Variants in NCKAP5 observed in about 807,000 individuals in gnomAD.
NCKAP5 encodes the protein NCK associated protein 5, also known as nck-associated protein 5.
A neutral mutation model predicts 167.0 loss-of-function variants in NCKAP5; 92 were observed. The observed-to-expected ratio is 0.55, with a 90% CI of 0.47 to 0.66. NCKAP5 has a LOEUF of 0.66. Ranked by LOEUF, NCKAP5 falls within the 30% of genes least tolerant of loss-of-function variation. The pLI is 0.00. For missense variants in NCKAP5, 2,378 were observed against 2,315.0 expected (o/e 1.03, Z -0.56); for synonymous variants, 891 against 877.4 (o/e 1.02, Z -0.27).
At chr2:133,122,043 G>C (rs2082267176) in intron 6 of NCKAP5, 1 of 152,172 alleles carries the variant, frequency 6.6e-6, no homozygotes, top group African/African-American at 2.4e-5. Flanking sequence ...ACTATAAGGA[G>C]AGAAATAAGA....
At chr2:133,491,740 T>C (rs1035276586) in intron 3 of NCKAP5, among the ~76,000 whole-genome samples, 5 of 152,026 alleles carry the variant, frequency 3.3e-5, no homozygotes, top group Non-Finnish European at 5.9e-5. Flanking sequence ...TGAAGGGCCA[T>C]AAGATGACCA....
intron 16 of NCKAP5, among the ~76,000 whole-genome samples, chr2:132,739,229 T>C (rs72844777): frequency 2.8e-4 from 42 of 152,346 alleles, no homozygotes; most frequent in Non-Finnish European, 5.4e-4. Flanking sequence ...TGTCTCCATC[T>C]TTTCTTACGG....
chr2:133,032,739 A>C (rs144612500), intron 6 of NCKAP5, among the ~76,000 whole-genome samples: 66 of 152,298 alleles, frequency 4.3e-4, no homozygotes, highest in African/African-American at 1.5e-3. Flanking sequence ...TGGGTAATTT[A>C]TGAAGAAAGG....
At chr2:133,649,025 A>C in the NCKAP5 span, among the ~76,000 whole-genome samples, 1 of 151,986 alleles carries the variant, frequency 6.6e-6, no homozygotes, top group Non-Finnish European at 1.5e-5. Flanking sequence ...AGAAAGACTC[A>C]AATACATAAA....
chr2:132,813,886 G>A (rs1322191462), intron 11 of NCKAP5, among the ~76,000 whole-genome samples: 1 of 152,142 alleles, frequency 6.6e-6, no homozygotes, highest in African/African-American at 2.4e-5. Context: ...CATAACCACT[G>A]GGACCTTCAC....
At chr2:133,009,123 G>A (rs2078067223) in intron 6 of NCKAP5, among the ~76,000 whole-genome samples, 1 of 152,158 alleles carries the variant, frequency 6.6e-6, no homozygotes, top group Admixed American at 6.5e-5. Context: ...GTCTACTTGA[G>A]ACCTAGTAAA....
intron 11 of NCKAP5, among the ~76,000 whole-genome samples, chr2:132,800,904 G>A (rs865795196): frequency 6.6e-6 from 1 of 152,170 alleles, no homozygotes; most frequent in African/African-American, 2.4e-5. Flanking sequence ...CCCAGTGGCA[G>A]GGACTAGCTG....
Position 133,350,818 on chromosome 2 carries a change from C to T in NCKAP5, c.70-47708G>A, listed in dbSNP as rs1335962021. ...ATGGGAGGAGGATGCATAAAAGCCA[C>T]AAGACCTTTGCACATGTTGTTGTCT... On this transcript the variant is annotated intron_variant, in intron 3 of 19. Coordinates refer to ENST00000409261, the MANE Select transcript of NCKAP5 (RefSeq NM_207363.3). 3.3e-5 allele frequency among the ~76,000 whole-genome samples: 5 copies of T among 152,196 alleles called. No homozygotes were observed. In the East Asian group the frequency reaches 9.7e-4, roughly 29 times the overall value.
At chr2:133,183,504 T>C (rs1259857626) in intron 5 of NCKAP5, among the ~76,000 whole-genome samples, 3 of 152,256 alleles carry the variant, frequency 2.0e-5, no homozygotes, top group Non-Finnish European at 4.4e-5. Flanking sequence ...GGAAAAAGCA[T>C]TTGACAAACT....
intron 4 of NCKAP5, among the ~76,000 whole-genome samples, chr2:133,283,410 T>C (rs985565555): frequency 3.3e-5 from 5 of 152,288 alleles, no homozygotes; most frequent in Admixed American, 2.6e-4. Flanking sequence ...TATCATTCTA[T>C]AGATTCTATA....
chr2:133,067,848 A>T (rs1431328409), intron 6 of NCKAP5, among the ~76,000 whole-genome samples: 1 of 152,180 alleles, frequency 6.6e-6, no homozygotes, highest in African/African-American at 2.4e-5. Flanking sequence ...GATGAGGGGA[A>T]TGCTCTTGAA....
intron 4 of NCKAP5, among the ~76,000 whole-genome samples, chr2:133,225,123 A>C (rs918472655): frequency 6.6e-5 from 10 of 152,256 alleles, no homozygotes; most frequent in Non-Finnish European, 1.5e-4. Flanking sequence ...CAATTAAGAC[A>C]AACTTTTAAA....
At chr2:133,349,031 C>T (rs998691225) in intron 3 of NCKAP5, among the ~76,000 whole-genome samples, 1 of 152,158 alleles carries the variant, frequency 6.6e-6, no homozygotes, top group Non-Finnish European at 1.5e-5. Context: ...CCAAAAGCAG[C>T]TTACTTTGAG....
intron 2 of NCKAP5, among the ~76,000 whole-genome samples, chr2:133,536,187 G>A (rs923460762): frequency 3.3e-5 from 5 of 151,918 alleles, no homozygotes; most frequent in Admixed American, 6.6e-5. Context: ...TGGCTTTTGA[G>A]GTCTTAGTCA....
chr2:132,689,148 A>G (rs930585397), intron 19 of NCKAP5, among the ~76,000 whole-genome samples: 1 of 152,140 alleles, frequency 6.6e-6, no homozygotes, highest in Non-Finnish European at 1.5e-5. Flanking sequence ...GCATGGAACC[A>G]TGCCACATAA....
chr2:132,878,971 G>A (rs1691539143), intron 8 of NCKAP5, 55 bp from the exon 9 acceptor site: 1 of 1,373,496 alleles, frequency 7.3e-7, no homozygotes, highest in African/African-American at 1.4e-5. Flanking sequence ...TGTGTTATGT[G>A]ACAACTTATT....
intron 6 of NCKAP5, among the ~76,000 whole-genome samples, chr2:132,999,575 T>C (rs893371043): frequency 2.0e-5 from 3 of 152,236 alleles, no homozygotes; most frequent in Non-Finnish European, 4.4e-5. Context: ...AAGACAACAC[T>C]TGATAATATC....
Position 132,783,954 on chromosome 2 carries a change from A to G in NCKAP5, c.2857T>C (p.Ser953Pro). The G allele has an allele frequency of 6.3e-7, 1 of 1,594,292 alleles. No individual in the cohort carries two copies. Among genetic ancestry groups the G allele is most frequent in the Non-Finnish European group, 8.5e-7 (1 of 1,171,894 alleles). Residue 953 changes from serine to proline, a missense_variant, in exon 14 of 20, where the codon TCC (serine) becomes CCC (proline). By Grantham distance (74) the Ser-to-Pro change is moderately conservative. Coordinates refer to ENST00000409261, the MANE Select transcript of NCKAP5 (RefSeq NM_207363.3). ...PSYDYSPAPS[S>P]TKSETRVPSE... is the part of the protein sequence containing the mutation. ...GGGACCCTGGTTTCGGACTTGGTGG[A>G]TGAAGGTGCTGGTGAATAGTCATAG...
chr2:133,200,061 C>CTT (rs70973417), intron 5 of NCKAP5, among the ~76,000 whole-genome samples: 20 of 109,368 alleles, frequency 1.8e-4, no homozygotes, highest in South Asian at 1.2e-3. Flanking sequence ...TTTTTTCTTT[C>CTT]TTTTTTTTTT....
Sources: gnomAD v4.1 joint callset for allele counts (sites outside exome capture counted in the v4.1 genomes callset) on GRCh38, gnomAD v4.1.1 for gene constraint, MANE v1.5 for transcripts, NCBI Gene and HGNC (gene_info 2026-07-23, HGNC 2026-07-21) for gene names.